PRDM2: variants seen among roughly 807,000 people sequenced by gnomAD.
PRDM2 encodes the protein PR domain zinc finger protein 2.
A neutral mutation model predicts 130.0 loss-of-function variants in PRDM2; 30 were observed. The ratio of observed to expected loss-of-function variants is 0.23; its 90% CI spans 0.17 to 0.31. PRDM2 has a LOEUF of 0.31. PRDM2 is among the 10% of genes least tolerant of loss of function. PRDM2 has a pLI of 1.00. For missense variants in PRDM2, 2,011 were observed against 2,108.4 expected, an observed-to-expected ratio of 0.95 and a Z score of 0.90; for synonymous variants, 871 against 782.4, an observed-to-expected ratio of 1.11 and a Z score of -1.89.
At chr1:13,754,683 C>T (rs546758370) in intron 6 of PRDM2, among the ~76,000 whole-genome samples, 2 of 152,360 alleles carry the variant, frequency 1.3e-5, no homozygotes, top group African/African-American at 4.8e-5. Context: ...CTGTTTCAGG[C>T]TCTAAGCTGA....
At chr1:13,819,496 CT>C (rs934418257) in intron 9 of PRDM2, among the ~76,000 whole-genome samples, 23 of 152,138 alleles carry the variant, frequency 1.5e-4, no homozygotes, top group South Asian at 8.3e-4. Flanking sequence ...TCTTCTGTAG[CT>C]TTTTTTCCAT....
intron 2 of PRDM2, among the ~76,000 whole-genome samples, chr1:13,718,997 CAGTGAACTAGGTGGGCAAGGGCTCTG>C (rs1179834222): frequency 2.0e-5 from 3 of 152,112 alleles, no homozygotes; most frequent in Non-Finnish European, 2.9e-5. Context: ...ATGGGTTCTG[CAGTGAACTAGGTGGGCAAGGGCTCTG>C]CCAGTAACAT....
chr1:13,723,792 C>G (rs1019761374), intron 2 of PRDM2, among the ~76,000 whole-genome samples: 1 of 152,218 alleles, frequency 6.6e-6, no homozygotes, highest in Non-Finnish European at 1.5e-5. Flanking sequence ...AGCCATCTCT[C>G]TGTGCCCAGA....
chr1:13,775,939 A>C (rs1438689626), intron 7 of PRDM2, among the ~76,000 whole-genome samples: 2 of 152,062 alleles, frequency 1.3e-5, no homozygotes, highest in African/African-American at 4.8e-5. Flanking sequence ...GTGGCTCCCC[A>C]CTGTCCCCAG....
rs2100657697 is a variant in PRDM2 at position 13,778,630 on chromosome 1, G to A, written c.835G>A (p.Glu279Lys). 1.2e-6 allele frequency: 2 copies of A among 1,613,500 alleles called. No homozygotes were observed. The highest frequency in any genetic ancestry group is 2.2e-5 in the East Asian group (1 of 44,872). Residue 279 changes from glutamate to lysine, a missense_variant, in exon 8 of 10, where the codon GAA (glutamate) becomes AAA (lysine). Coordinates refer to ENST00000311066, the MANE Select transcript of PRDM2 (RefSeq NM_001393986.1). ...GGAGGAGGAAGAGGAGGAGGATGAAGAAGAAGAAGAAGATGATGATGATGA... is the reference window on the plus strand; with the variant it reads ...GGAGGAGGAAGAGGAGGAGGATGAAAAAGAAGAAGAAGATGATGATGATGA... ...EEEEEEEEDE[E>K]EEEDDDDDEL... is the part of the protein sequence containing the mutation.
chr1:13,790,732 C>A (rs78825478), intron 8 of PRDM2, among the ~76,000 whole-genome samples: 2 of 144,260 alleles, frequency 1.4e-5, no homozygotes, highest in African/African-American at 5.0e-5. Flanking sequence ...GAAAAAAGTG[C>A]GAAACTGCTC....
intron 1 of PRDM2, among the ~76,000 whole-genome samples, chr1:13,707,331 C>G (rs911030686): frequency 6.6e-6 from 1 of 150,916 alleles, no homozygotes; most frequent in Non-Finnish European, 1.5e-5. Context: ...CTAGACATCT[C>G]TTAATTTTAA....
At position 13,816,551 on chromosome 1, in the gene PRDM2, CT is replaced by C; in HGVS notation, c.*5del. ...GGGACCATTCTTCAAAGAGTAGACA[CT>C]CTGGCTGCTCCCTGACAGGTACGAG... On this transcript the variant is annotated 3_prime_UTR_variant, in exon 9 of 10. Transcript: ENST00000311066. 6.2e-7 allele frequency: 1 copy of C among 1,614,210 alleles called. No homozygotes were observed. The highest frequency in any genetic ancestry group is 8.5e-7 in the Non-Finnish European group (1 of 1,180,036).
intron 4 of PRDM2, chr1:13,738,906 C>T (rs1330741919): frequency 1.3e-5 from 2 of 150,218 alleles, no homozygotes; most frequent in Admixed American, 1.3e-4. Flanking sequence ...AATTCTGTAA[C>T]TGAAACACAA....
At chr1:13,721,934 C>G (rs528208919) in intron 2 of PRDM2, among the ~76,000 whole-genome samples, 1 of 152,230 alleles carries the variant, frequency 6.6e-6, no homozygotes, top group East Asian at 1.9e-4. Flanking sequence ...TGGTGCCTAC[C>G]CCGTGTGGTT....
At chr1:13,714,757 G>T (rs1037385004) in intron 1 of PRDM2, among the ~76,000 whole-genome samples, 2 of 152,178 alleles carry the variant, frequency 1.3e-5, no homozygotes, top group Non-Finnish European at 2.9e-5. Flanking sequence ...ATGCCTAATG[G>T]TATGTGTATG....
chr1:13,728,195 TTA>T (rs1642985870), intron 2 of PRDM2, among the ~76,000 whole-genome samples: 1 of 152,166 alleles, frequency 6.6e-6, no homozygotes, highest in African/African-American at 2.4e-5. Flanking sequence ...ATTCAAGTAT[TTA>T]AGTGACAACA....
chr1:13,701,065 T>A (rs1415616996), intron 1 of PRDM2, among the ~76,000 whole-genome samples: 1 of 152,206 alleles, frequency 6.6e-6, no homozygotes, highest in Non-Finnish European at 1.5e-5. Context: ...GGCTTGTAGC[T>A]TTGTGTCGGG....
intron 8 of PRDM2, chr1:13,786,722 C>G: frequency 1.4e-6 from 2 of 1,431,228 alleles, no homozygotes; most frequent in Non-Finnish European, 1.8e-6. Context: ...GGGGGCCCAA[C>G]GCGCATGCTG....
intron 2 of PRDM2, among the ~76,000 whole-genome samples, chr1:13,730,537 A>T (rs1183298895): frequency 6.6e-6 from 1 of 152,212 alleles, no homozygotes; most frequent in African/African-American, 2.4e-5. Context: ...GGAGGGCAAC[A>T]TGGATGGGGC....
At position 13,779,887 on chromosome 1, in the gene PRDM2, C is replaced by G. The variant is rs1212499232; in HGVS notation, c.2092C>G (p.Gln698Glu). 1 of 1,586,802 alleles carries G rather than the reference C, an allele frequency of 6.3e-7. No individual in the cohort carries two copies. Among genetic ancestry groups the G allele is most frequent in the East Asian group, 2.3e-5 (1 of 43,414 alleles). Reference protein sequence around the residue: ...SSKLKQLLQTQDKLTPAGISA... With the variant: ...SSKLKQLLQTEDKLTPAGISA... ...AAAGCTCAAACAACTTCTTCAAACCCAAGATAAACTAACTCCTGCAGGGAT... is the reference window on the plus strand; with the variant it reads ...AAAGCTCAAACAACTTCTTCAAACCGAAGATAAACTAACTCCTGCAGGGAT... The change falls in exon 8 of 10, where the codon CAA (glutamine) becomes GAA (glutamate). Residue 698 changes from glutamine to glutamate, a missense_variant. Coordinates refer to ENST00000311066, the MANE Select transcript of PRDM2 (RefSeq NM_001393986.1). The surrounding 1 kb of genome is among the most constrained non-coding windows in gnomAD (Gnocchi z 4.9).
At chr1:13,732,461 G>C (rs1035642078) in intron 3 of PRDM2, among the ~76,000 whole-genome samples, 1 of 152,108 alleles carries the variant, frequency 6.6e-6, no homozygotes, top group Non-Finnish European at 1.5e-5. Context: ...TTCAGTTGTT[G>C]TGACTGTGTT....
At position 13,771,464 on chromosome 1, in the gene PRDM2, G is replaced by A. The variant is rs142295044; in HGVS notation, c.512-1614G>A. ...TTAGGTATGTAGGCCGGGCACGGTG[G>A]CTCATGCCTGTAATCCCAGCACTCT... On this transcript the variant is annotated intron_variant, in intron 6 of 9. Transcript: ENST00000311066. The surrounding 1 kb of genome is among the most constrained non-coding windows in gnomAD (Gnocchi z 4.1). 0.017 allele frequency among the ~76,000 whole-genome samples: 2,517 copies of A among 152,342 alleles called. 35 individuals carry two copies. Among genetic ancestry groups the A allele is most frequent in the South Asian group, 0.04 (193 of 4,830 alleles).
chr1:13,819,506 A>G (rs3893001), intron 9 of PRDM2, among the ~76,000 whole-genome samples: 1,788 of 152,150 alleles, frequency 0.012, 32 homozygotes, highest in South Asian at 0.07. Context: ...CTTTTTTTCC[A>G]TTTTTTAAAT....
Sources: allele counts gnomAD v4.1 joint callset (sites outside exome capture counted in the v4.1 genomes callset), GRCh38; gene constraint gnomAD v4.1.1; non-coding constraint Gnocchi (gnomAD v3.1); transcripts MANE v1.5; gene names NCBI Gene and HGNC (gene_info 2026-07-23, HGNC 2026-07-21).